Variants in DCDC2 observed in about 807,000 individuals in gnomAD.
DCDC2 encodes doublecortin domain containing 2, also known as doublecortin domain-containing protein 2.
A neutral mutation model predicts 50.2 loss-of-function variants in DCDC2; 40 were observed. The ratio of observed to expected loss-of-function variants is 0.80; its 90% CI spans 0.62 to 1.04. The LOEUF is 1.04. DCDC2 is among the 50% of genes least tolerant of loss of function. DCDC2 has a pLI of 0.00. For synonymous variants in DCDC2, 234 were observed against 210.6 expected (o/e 1.11, Z -0.96); for missense variants, 570 against 581.9 (o/e 0.98, Z 0.21).
the DCDC2 span, among the ~76,000 whole-genome samples, chr6:24,383,087 G>T: frequency 1.4e-4 from 21 of 152,156 alleles, no homozygotes; most frequent in African/African-American, 4.8e-4. Flanking sequence ...AGCACTTTGG[G>T]AGGCCGAGGC....
At chr6:24,339,774 T>G (rs1295093766) in intron 2 of DCDC2, among the ~76,000 whole-genome samples, 2 of 152,132 alleles carry the variant, frequency 1.3e-5, no homozygotes, top group East Asian at 3.9e-4. Flanking sequence ...TTGTTACAGG[T>G]TAAAATGTGG....
At chr6:24,235,517 T>C (rs1561901113) in intron 7 of DCDC2, among the ~76,000 whole-genome samples, 1 of 152,158 alleles carries the variant, frequency 6.6e-6, no homozygotes, top group Non-Finnish European at 1.5e-5. Context: ...AAATATGATG[T>C]ACCACATAAA....
At chr6:24,333,947 C>G (rs574629715) in intron 2 of DCDC2, among the ~76,000 whole-genome samples, 1 of 152,104 alleles carries the variant, frequency 6.6e-6, no homozygotes, top group Non-Finnish European at 1.5e-5. Context: ...AGGTTTATGA[C>G]TCTCAAAACT....
intron 8 of DCDC2, 70 bp from the exon 9 acceptor site, chr6:24,178,702 T>C (rs936676861): frequency 2.2e-6 from 3 of 1,394,044 alleles, no homozygotes; most frequent in East Asian, 4.6e-5. Flanking sequence ...CACATCATAG[T>C]AATGTAATAC....
At chr6:24,359,353 T>G (rs1293139110), upstream of DCDC2, among the ~76,000 whole-genome samples, 1 of 61,012 alleles carries the variant, frequency 1.6e-5, no homozygotes, top group South Asian at 4.6e-4. Context: ...TATATATATT[T>G]TATGTATATT....
At chr6:24,202,725 T>C (rs1421270163) in intron 8 of DCDC2, among the ~76,000 whole-genome samples, 1 of 152,172 alleles carries the variant, frequency 6.6e-6, no homozygotes, top group Non-Finnish European at 1.5e-5. Flanking sequence ...TGATTGTATA[T>C]CTAGAAAACT....
At chr6:24,307,503 G>A (rs987749685) in intron 2 of DCDC2, among the ~76,000 whole-genome samples, 1 of 152,078 alleles carries the variant, frequency 6.6e-6, no homozygotes, top group East Asian at 1.9e-4. Flanking sequence ...TTTCTTTATC[G>A]TATGGATTTA....
At chr6:24,260,831 A>G (rs1284313788) in intron 7 of DCDC2, among the ~76,000 whole-genome samples, 1 of 152,214 alleles carries the variant, frequency 6.6e-6, no homozygotes, top group Non-Finnish European at 1.5e-5. Flanking sequence ...ATGGTGCTCA[A>G]TGGTTCAAGT....
At chr6:24,334,020 A>T (rs1760012949) in intron 2 of DCDC2, among the ~76,000 whole-genome samples, 1 of 152,244 alleles carries the variant, frequency 6.6e-6, no homozygotes, top group Admixed American at 6.5e-5. Context: ...GGTATAGAGC[A>T]GGGAAGATAG....
At position 24,174,716 on chromosome 6, in the gene DCDC2, T is replaced by G. The variant is rs747975346; in HGVS notation, c.*14A>C. The G allele has an allele frequency of 6.3e-7, 1 of 1,581,474 alleles. No individual in the cohort carries two copies. The highest frequency in any genetic ancestry group is 1.3e-5 in the African/African-American group (1 of 74,276). ...TTTTTCTTGCGATCCATATACTCTC[T>G]TTTTAAAAATGTTCTAAGCCACGGC... On this transcript the variant is annotated 3_prime_UTR_variant, in exon 10 of 10. Transcript: ENST00000378454.
At chr6:24,218,419 C>A (rs1325014959) in intron 7 of DCDC2, among the ~76,000 whole-genome samples, 1 of 152,104 alleles carries the variant, frequency 6.6e-6, no homozygotes, top group African/African-American at 2.4e-5. Flanking sequence ...TAGATTTGTT[C>A]TCTATCTATA....
intron 7 of DCDC2, among the ~76,000 whole-genome samples, chr6:24,236,304 C>CA (rs1762439506): frequency 6.6e-6 from 1 of 152,140 alleles, no homozygotes; most frequent in Admixed American, 6.5e-5. Context: ...TGATCTTTGA[C>CA]AAAATCAGCA....
intron 2 of DCDC2, among the ~76,000 whole-genome samples, chr6:24,339,860 T>C (rs1320462307): frequency 6.6e-6 from 1 of 152,202 alleles, no homozygotes; most frequent in Non-Finnish European, 1.5e-5. Context: ...CCAAATTTGA[T>C]GCACACATCA....
the DCDC2 span, among the ~76,000 whole-genome samples, chr6:24,371,576 G>A: frequency 3.3e-5 from 5 of 152,006 alleles, no homozygotes; most frequent in South Asian, 2.1e-4. Flanking sequence ...ACTGCACTCC[G>A]GCCTGGGTGA....
At chr6:24,220,886 G>C (rs1762092891) in intron 7 of DCDC2, among the ~76,000 whole-genome samples, 2 of 141,166 alleles carry the variant, frequency 1.4e-5, no homozygotes, top group African/African-American at 2.6e-5. Flanking sequence ...GCGAGAGCGA[G>C]AGAGTGAGCG....
intron 4 of DCDC2, among the ~76,000 whole-genome samples, chr6:24,292,841 A>C (rs544833047): frequency 6.6e-6 from 1 of 152,334 alleles, no homozygotes; most frequent in Admixed American, 6.5e-5. Flanking sequence ...CACCCACTAA[A>C]CAGTAGCAGT....
chr6:24,264,353 G>A (rs572175903), intron 7 of DCDC2, among the ~76,000 whole-genome samples: 1 of 152,278 alleles, frequency 6.6e-6, no homozygotes, highest in South Asian at 2.1e-4. Context: ...CTGTAATTGT[G>A]ATGTGTAAAC....
chr6:24,307,532 A>G (rs1227264990), intron 2 of DCDC2, among the ~76,000 whole-genome samples: 1 of 152,196 alleles, frequency 6.6e-6, no homozygotes, highest in Non-Finnish European at 1.5e-5. Flanking sequence ...TAGGTTCTCA[A>G]AATGGTAATT....
intron 7 of DCDC2, among the ~76,000 whole-genome samples, chr6:24,206,480 T>C (rs6937135): frequency 6.6e-6 from 1 of 152,212 alleles, no homozygotes; most frequent in African/African-American, 2.4e-5. Flanking sequence ...ACAACCATCA[T>C]AGTCAGATGC....
Sources: allele counts gnomAD v4.1 joint callset (sites outside exome capture counted in the v4.1 genomes callset), GRCh38; gene constraint gnomAD v4.1.1; transcripts MANE v1.5; gene names NCBI Gene and HGNC (gene_info 2026-07-23, HGNC 2026-07-21).